FRMD4A: variants seen among roughly 807,000 people sequenced by gnomAD.
FRMD4A encodes the protein FERM domain containing 4A, also known as FERM domain-containing protein 4A.
In FRMD4A, 29 loss-of-function variants were observed where a neutral mutation model predicts 129.1. The observed-to-expected ratio is 0.22, with a 90% CI of 0.17 to 0.31. The LOEUF is 0.31. Among genes scored for constraint, FRMD4A ranks in the 10% least tolerant of loss-of-function variants. FRMD4A has a pLI of 1.00. For synonymous variants in FRMD4A, 634 were observed against 571.6 expected, an observed-to-expected ratio of 1.11 and a Z score of -1.56; for missense variants, 1,272 against 1,375.8, an observed-to-expected ratio of 0.92 and a Z score of 1.19.
At position 14,048,902 on chromosome 10, in the gene FRMD4A, GAAAAT is replaced by G. The variant is rs369552433; in HGVS notation, c.46-189995_46-189991del. On this transcript the variant is annotated intron_variant, in intron 2 of 24. Transcript: ENST00000357447. Reference sequence around the variant, plus strand: ...GAATAGAATAGAATAGAATAGAATAGAAAATAAAATGAAATATGGTGGGAGTAGGA... The same window carrying G: ...GAATAGAATAGAATAGAATAGAATAGAAAATGAAATATGGTGGGAGTAGGA... 1.8e-3 allele frequency among the ~76,000 whole-genome samples: 215 copies of G among 122,802 alleles called. 2 individuals carry two copies. In the East Asian group the frequency reaches 0.02, roughly 12 times the overall value. The allele number at this position is 122,802 out of a possible 152,430, so 80.6% of individuals were successfully genotyped here.
At chr10:13,819,077 G>A (rs191606670) in intron 3 of FRMD4A, among the ~76,000 whole-genome samples, 255 of 152,178 alleles carry the variant, frequency 1.7e-3, no homozygotes, top group African/African-American at 5.9e-3. Flanking sequence ...GCAGTGAGCC[G>A]AGATCGCACC....
At chr10:13,742,518 T>C (rs1283243664) in intron 9 of FRMD4A, among the ~76,000 whole-genome samples, 2 of 152,196 alleles carry the variant, frequency 1.3e-5, no homozygotes, top group Non-Finnish European at 2.9e-5. Context: ...AGAGGATCTT[T>C]ATTATCTATT....
At chr10:14,053,836 C>T (rs1470431162) in intron 2 of FRMD4A, among the ~76,000 whole-genome samples, 1 of 151,878 alleles carries the variant, frequency 6.6e-6, no homozygotes, top group Non-Finnish European at 1.5e-5. Context: ...CCAGCCTGGG[C>T]AACATAGCAA....
At chr10:13,963,848 C>T (rs1350017735) in intron 2 of FRMD4A, among the ~76,000 whole-genome samples, 1 of 152,106 alleles carries the variant, frequency 6.6e-6, no homozygotes, top group African/African-American at 2.4e-5. Flanking sequence ...CTCCAGACAG[C>T]CAGTGTTAGA....
At chr10:14,317,025 CAA>C (rs765215843) in intron 2 of FRMD4A, among the ~76,000 whole-genome samples, 1 of 152,188 alleles carries the variant, frequency 6.6e-6, no homozygotes, top group Non-Finnish European at 1.5e-5. Context: ...CTTTGTCGCT[CAA>C]TTGTATGACT....
intron 2 of FRMD4A, among the ~76,000 whole-genome samples, chr10:14,174,007 C>G (rs1043225601): frequency 6.6e-6 from 1 of 152,108 alleles, no homozygotes; most frequent in African/African-American, 2.4e-5. Flanking sequence ...ATCCACTCCC[C>G]TTACCTTCGT....
chr10:13,663,790 C>A (rs944896476), intron 18 of FRMD4A, among the ~76,000 whole-genome samples: 3 of 152,202 alleles, frequency 2.0e-5, no homozygotes, highest in Non-Finnish European at 4.4e-5. Flanking sequence ...AGAGTGGCTT[C>A]ATACCGAATA....
intron 3 of FRMD4A, among the ~76,000 whole-genome samples, chr10:13,852,235 A>C (rs932995986): frequency 6.6e-6 from 1 of 152,040 alleles, no homozygotes; most frequent in Non-Finnish European, 1.5e-5. Flanking sequence ...AAGTTAGCCC[A>C]ATATAAGATT....
chr10:13,692,750 T>C (rs2085830583), intron 15 of FRMD4A: 1 of 152,302 alleles, frequency 6.6e-6, no homozygotes, highest in African/African-American at 2.4e-5. Flanking sequence ...TGTTATTGTT[T>C]ACAGCCACTA....
intron 2 of FRMD4A, chr10:13,890,510 C>A: frequency 1.0e-6 from 1 of 975,970 alleles, no homozygotes; most frequent in Non-Finnish European, 1.2e-6. Context: ...GTACCAGCAG[C>A]TGAACCCTCA....
At chr10:14,315,217 G>A (rs1232303453) in intron 2 of FRMD4A, among the ~76,000 whole-genome samples, 1 of 151,684 alleles carries the variant, frequency 6.6e-6, no homozygotes, top group Non-Finnish European at 1.5e-5. Context: ...ACCATCACCC[G>A]AATATTGATG....
intron 2 of FRMD4A, chr10:14,326,178 TG>T (rs1259107115): frequency 6.6e-6 from 1 of 152,212 alleles, no homozygotes; most frequent in Non-Finnish European, 1.5e-5. Flanking sequence ...GCCAGACTTG[TG>T]GTATCCCTTT....
chr10:14,263,664 C>G (rs891451212), intron 2 of FRMD4A, among the ~76,000 whole-genome samples: 3 of 152,130 alleles, frequency 2.0e-5, no homozygotes, highest in Non-Finnish European at 4.4e-5. Context: ...AACTTTGGAT[C>G]CCAGAGGTGG....
At chr10:13,707,257 G>A in intron 12 of FRMD4A, 144 bp from the exon 13 acceptor site, 1 of 739,204 alleles carries the variant, frequency 1.4e-6, no homozygotes, top group Non-Finnish European at 2.1e-6. Context: ...CCTCTTGCTT[G>A]ACACACACAC....
At chr10:13,688,480 C>G (rs1315913672) in intron 15 of FRMD4A, among the ~76,000 whole-genome samples, 2 of 151,944 alleles carry the variant, frequency 1.3e-5, no homozygotes, top group Non-Finnish European at 2.9e-5. Flanking sequence ...ACCAACATGG[C>G]ACATGTATAC....
chr10:13,826,632 T>G (rs1469408555), intron 3 of FRMD4A, among the ~76,000 whole-genome samples: 1 of 152,150 alleles, frequency 6.6e-6, no homozygotes, highest in Non-Finnish European at 1.5e-5. Context: ...AAGCGTTACC[T>G]CCCCATGGCT....
At chr10:14,129,501 C>A (rs1305884361) in intron 2 of FRMD4A, among the ~76,000 whole-genome samples, 1 of 150,420 alleles carries the variant, frequency 6.6e-6, no homozygotes, top group Admixed American at 6.6e-5. Context: ...CAGGGTAGCA[C>A]CCAGGACAGA....
intron 3 of FRMD4A, among the ~76,000 whole-genome samples, chr10:13,854,876 T>C (rs985566166): frequency 5.3e-5 from 8 of 152,178 alleles, no homozygotes; most frequent in African/African-American, 1.9e-4. Flanking sequence ...GCAGGCATGC[T>C]CTGGGGCTGA....
At chr10:14,106,039 A>G (rs1159384573) in intron 2 of FRMD4A, among the ~76,000 whole-genome samples, 1 of 152,200 alleles carries the variant, frequency 6.6e-6, no homozygotes, top group Non-Finnish European at 1.5e-5. Context: ...TGTCATTCTT[A>G]TTCTATCATT....
Sources: gnomAD v4.1 joint callset for allele counts (sites outside exome capture counted in the v4.1 genomes callset) on GRCh38, gnomAD v4.1.1 for gene constraint, MANE v1.5 for transcripts, NCBI Gene and HGNC (gene_info 2026-07-23, HGNC 2026-07-21) for gene names.